The following CSAD variants were observed in gnomAD, a reference collection of about 807,000 sequenced individuals.
The protein encoded by CSAD is P-selectin cytoplasmic tail-associated protein.
Under a neutral mutation model 61.5 loss-of-function variants are expected in CSAD, and 47 were observed. That is an observed-to-expected ratio of 0.76 (90% CI 0.60 to 0.97). The LOEUF is 0.97. Among genes scored for constraint, CSAD ranks in the 50% least tolerant of loss-of-function variants. CSAD has a pLI of 0.00. For synonymous variants in CSAD, 245 were observed against 252.7 expected (o/e 0.97, Z 0.29); for missense variants, 611 against 643.6 (o/e 0.95, Z 0.55).
At chr12:53,179,641 G>T in intron 1 of CSAD, 1 of 735,002 alleles carries the variant, frequency 1.4e-6, no homozygotes. Context: ...CCAAATCATG[G>T]AGTGGCTCAG....
chr12:53,166,197 G>A (rs1371225455), intron 10 of CSAD: 2 of 152,366 alleles, frequency 1.3e-5, no homozygotes, highest in Non-Finnish European at 2.9e-5. Context: ...GGGCATGGTG[G>A]TGCGCACCTG....
chr12:53,169,689 T>C (rs1280506140), intron 10 of CSAD, among the ~76,000 whole-genome samples: 1 of 150,604 alleles, frequency 6.6e-6, no homozygotes, highest in Non-Finnish European at 1.5e-5. Flanking sequence ...TAGAGGAGAG[T>C]GCTAATGTCC....
chr12:53,160,762 C>T lies in CSAD; in HGVS notation c.966+1G>A, dbSNP rs1158221607. The T allele has an allele frequency of 1.3e-6, 2 of 1,551,380 alleles. No homozygotes were observed. The highest frequency in any genetic ancestry group is 8.7e-7 in the Non-Finnish European group (1 of 1,146,888). ...TGGTGCAGGGGCAGGGGCAGACCCA[C>T]CGAGGTATCCTGGAGAAGAAGTGCA... On this transcript the variant is annotated splice_donor_variant, in intron 13 of 16. Coordinates refer to ENST00000444623, the MANE Select transcript of CSAD (RefSeq NM_001244705.2). LOFTEE classifies it high-confidence loss of function.
chr12:53,170,817 T>G (rs1940483955), intron 8 of CSAD: 2 of 394,732 alleles, frequency 5.1e-6, no homozygotes, highest in South Asian at 4.5e-5. Context: ...GCCTCCCAGG[T>G]TCAAGCAATT....
chr12:53,180,536 A>G (rs746952603), intron 1 of CSAD, 196 bp downstream of exon 1: 1 of 1,277,672 alleles, frequency 7.8e-7, no homozygotes, highest in Non-Finnish European at 1.0e-6. Flanking sequence ...TCCCTCCTCC[A>G]TGCCCTCGGC....
At chr12:53,174,069 C>G in intron 2 of CSAD, 1 of 349,750 alleles carries the variant, frequency 2.9e-6, no homozygotes, top group Non-Finnish European at 5.4e-6. Flanking sequence ...CTTTGGGAGG[C>G]CGAGGCGGGC....
chr12:53,172,685 G>A (rs1940726915), intron 4 of CSAD, 37 bp from the exon 5 acceptor site: 1 of 1,578,020 alleles, frequency 6.3e-7, no homozygotes, highest in South Asian at 1.1e-5. Flanking sequence ...GGCCTGGGAT[G>A]CCTGTGGACT....
intron 1 of CSAD, chr12:53,179,555 T>C: frequency 1.9e-6 from 1 of 513,298 alleles, no homozygotes; most frequent in Admixed American, 3.7e-5. Context: ...TGGTGATGTT[T>C]CTTTATCTCT....
rs1488726793 is a variant in CSAD at position 53,161,192 on chromosome 12, C to T, written c.820-1G>A. 9.3e-6 allele frequency: 15 copies of T among 1,614,176 alleles called. No individual in the cohort carries two copies. Among genetic ancestry groups the T allele is most frequent in the Non-Finnish European group, 1.3e-5 (15 of 1,180,026 alleles). ...GCAGGACGCTCCCACCCCAGGCAGC[C>T]TGTGGAGCAGGAGGAACAACGTGGG... On this transcript the variant is annotated splice_acceptor_variant, in intron 11 of 16. Coordinates refer to ENST00000444623, the MANE Select transcript of CSAD (RefSeq NM_001244705.2). LOFTEE classifies it high-confidence loss of function.
At position 53,180,885 on chromosome 12, in the gene CSAD, C is replaced by T. The variant is rs1436006680; in HGVS notation, c.-244G>A. ...GCAGCGTCGTCCGTACAGACGGCAGCGCTTCAGTAGCTCGCAAGCCGTGGG... is the reference window on the plus strand; with the variant it reads ...GCAGCGTCGTCCGTACAGACGGCAGTGCTTCAGTAGCTCGCAAGCCGTGGG... On this transcript the variant is annotated 5_prime_UTR_variant, in exon 1 of 17. Transcript: ENST00000444623. The T allele has an allele frequency of 1.7e-6, 2 of 1,180,912 alleles. No individual in the cohort carries two copies. Among genetic ancestry groups the T allele is most frequent in the Non-Finnish European group, 1.1e-6 (1 of 931,752 alleles). The allele number at this position is 1,180,912 out of a possible 1,614,324, so 73.2% of individuals were successfully genotyped here.
chr12:53,160,411 C>T (rs1939146867), intron 13 of CSAD, 92 bp from the exon 14 acceptor site: 1 of 1,286,160 alleles, frequency 7.8e-7, no homozygotes, highest in Non-Finnish European at 1.1e-6. Context: ...TCAGGATACC[C>T]TCTTCTTTCC....
upstream of CSAD, chr12:53,181,165 G>A: frequency 5.1e-6 from 5 of 985,080 alleles, no homozygotes; most frequent in Non-Finnish European, 6.0e-6. Context: ...GAGCGAGGCG[G>A]GCGACACGCC....
intron 4 of CSAD, among the ~76,000 whole-genome samples, chr12:53,172,934 G>A (rs7139094): frequency 0.028 from 4,247 of 152,286 alleles, 186 homozygotes; most frequent in African/African-American, 0.096. Flanking sequence ...TGGGCCAGGC[G>A]TGGTAGCTCA....
intron 4 of CSAD, 37 bp downstream of exon 4, chr12:53,173,308 A>G (rs191791163): frequency 1.9e-6 from 3 of 1,565,690 alleles, no homozygotes; most frequent in African/African-American, 2.7e-5. Context: ...GAAAAGAAAG[A>G]AAGCTTGATG....
intron 13 of CSAD, 32 bp from the exon 14 acceptor site, chr12:53,160,351 A>T: frequency 6.2e-7 from 1 of 1,600,352 alleles, no homozygotes; most frequent in Non-Finnish European, 8.6e-7. Flanking sequence ...GTCAGACCCT[A>T]CCCTCTCCAC....
rs767181683 is a variant in CSAD, at chr12:53,170,414, G to A, written c.647+9C>T. The A allele has an allele frequency of 8.7e-6, 14 of 1,612,806 alleles. No homozygotes were observed. Among genetic ancestry groups the A allele is most frequent in the Non-Finnish European group, 1.2e-5 (14 of 1,178,884 alleles). On this transcript the variant is annotated intron_variant, in intron 9 of 16. Transcript: ENST00000444623. Reference sequence around the variant, plus strand: ...TAGGTCACAGCCATGTGGGCAGAAGGACCTTCACCTCTCATCAGCCTTGAC... The same window carrying A: ...TAGGTCACAGCCATGTGGGCAGAAGAACCTTCACCTCTCATCAGCCTTGAC...
chr12:53,158,584 G>GC lies in CSAD; in HGVS notation c.1408dup (p.Ala470GlyfsTer9). 6.2e-7 allele frequency: 1 copy of GC among 1,613,160 alleles called. No individual in the cohort carries two copies. The highest frequency in any genetic ancestry group is 8.5e-7 in the Non-Finnish European group (1 of 1,180,024). On this transcript the variant is annotated frameshift_variant, in exon 17 of 17. Transcript: ENST00000444623. LOFTEE classifies it high-confidence loss of function. ...ATCAGCACAGGTCAGTGCAGAGTTG[G>GC]CCACAACCACACGGAAGAAGTTGCC...
chr12:53,167,053 C>T (rs907822857), intron 10 of CSAD, among the ~76,000 whole-genome samples: 2 of 152,012 alleles, frequency 1.3e-5, no homozygotes, highest in Non-Finnish European at 2.9e-5. Context: ...GTTTAGGATC[C>T]CTCTTTCCCT....
chr12:53,158,730 G>A (rs1161050352), intron 16 of CSAD, 46 bp from the exon 17 acceptor site: 4 of 1,583,538 alleles, frequency 2.5e-6, no homozygotes, highest in Non-Finnish European at 2.6e-6. Flanking sequence ...TGGGTCGGCT[G>A]ACAGGTAGGC....
Sources: gnomAD v4.1 joint callset for allele counts (sites outside exome capture counted in the v4.1 genomes callset) on GRCh38, gnomAD v4.1.1 for gene constraint, MANE v1.5 for transcripts, NCBI Gene and HGNC (gene_info 2026-07-23, HGNC 2026-07-21) for gene names.